SRPK2: variants seen among roughly 807,000 people sequenced by gnomAD.
SRPK2 encodes the protein SRSF protein kinase 2, also known as SFRS protein kinase 2.
Under a neutral mutation model 90.8 loss-of-function variants are expected in SRPK2, and 21 were observed. The observed-to-expected ratio is 0.23, with a 90% confidence interval of 0.16 to 0.33. The LOEUF (loss-of-function observed/expected upper bound fraction) is 0.33. SRPK2 is among the 10% of genes least tolerant of loss of function. The pLI is 1.00. For synonymous variants in SRPK2, 288 were observed against 311.1 expected (o/e 0.93, Z 0.78); for missense variants, 620 against 869.0 (o/e 0.71, Z 3.60).
At chr7:105,365,618 G>A (rs1481153258) in intron 2 of SRPK2, among the ~76,000 whole-genome samples, 2 of 150,878 alleles carry the variant, frequency 1.3e-5, no homozygotes, top group East Asian at 3.9e-4. Flanking sequence ...GGCAACACAG[G>A]GAGACTGAGT....
rs765544583 is a variant in SRPK2, at chr7:105,159,448, C to CAAAAAAAAAAAAAAAAAAA, written c.621+1040_621+1058dup. Among the ~76,000 whole-genome samples the CAAAAAAAAAAAAAAAAAAA allele has an allele frequency of 1.9e-3, 64 of 33,130 alleles. 13 individuals are homozygous for CAAAAAAAAAAAAAAAAAAA. Among genetic ancestry groups the CAAAAAAAAAAAAAAAAAAA allele is most frequent in the Non-Finnish European group, 2.4e-3 (38 of 15,900 alleles). 21.7% of individuals were successfully genotyped at this position (33,130 alleles called of 152,430 possible). A position where few individuals can be genotyped will look rare whatever the true frequency, so the allele number is the denominator to read the frequency against. On this transcript the variant is annotated intron_variant, in intron 7 of 15. Coordinates refer to ENST00000393651, the MANE Select transcript of SRPK2 (RefSeq NM_182692.3). ...GGGTGACAGAGCGAGACTCCGTCTC[C>CAAAAAAAAAAAAAAAAAAA]AAAAAAAAAAAAAAAAAAAAAAAAA... is the stretch of plus-strand genomic sequence containing the variant.
At chr7:105,168,179 T>C (rs1188457931) in intron 4 of SRPK2, 84 bp from the exon 5 acceptor site, 5 of 1,168,720 alleles carry the variant, frequency 4.3e-6, no homozygotes, top group Admixed American at 2.6e-5. Context: ...GCATCCCTAA[T>C]TGGAAAATGT....
At chr7:105,141,942 A>G (rs1342136914) in intron 11 of SRPK2, 66 bp downstream of exon 11, 1 of 1,530,420 alleles carries the variant, frequency 6.5e-7, no homozygotes, top group Non-Finnish European at 8.8e-7. Context: ...ATTCCTTCAC[A>G]GCATTTGTTA....
intron 2 of SRPK2, among the ~76,000 whole-genome samples, chr7:105,370,814 C>A (rs1172402877): frequency 6.6e-6 from 1 of 151,830 alleles, no homozygotes; most frequent in African/African-American, 2.4e-5. Flanking sequence ...CAGGGTTTTA[C>A]CATGTTGCCC....
chr7:105,244,894 T>A, intron 2 of SRPK2: 1 of 1,450,450 alleles, frequency 6.9e-7, no homozygotes, highest in South Asian at 1.2e-5. Context: ...TGGGCGCACA[T>A]CCGCGCCAAG....
intron 2 of SRPK2, among the ~76,000 whole-genome samples, chr7:105,238,259 G>A (rs2237617): frequency 0.18 from 27,723 of 152,148 alleles, 3,198 homozygotes; most frequent in East Asian, 0.58. Flanking sequence ...CATCATCGTC[G>A]TCATCATCCT....
At chr7:105,332,918 G>T (rs62484680) in intron 2 of SRPK2, 8,230 of 152,192 alleles carry the variant, frequency 0.054, 299 homozygotes, top group Middle Eastern at 0.11. Flanking sequence ...AAATAAGGCC[G>T]GGCGTGTTGG....
At chr7:105,153,784 A>T (rs947980861) in intron 7 of SRPK2, among the ~76,000 whole-genome samples, 9 of 152,162 alleles carry the variant, frequency 5.9e-5, no homozygotes, top group Admixed American at 4.6e-4. Context: ...CCACGTGGGC[A>T]GCCAGATGGG....
chr7:105,146,225 G>T (rs577026162), intron 8 of SRPK2, among the ~76,000 whole-genome samples: 1 of 152,228 alleles, frequency 6.6e-6, no homozygotes, highest in East Asian at 1.9e-4. Context: ...CAGAGAAGCT[G>T]GCAACAGAAA....
chr7:105,161,083 G>A (rs1807563048), intron 6 of SRPK2, among the ~76,000 whole-genome samples: 1 of 151,904 alleles, frequency 6.6e-6, no homozygotes, highest in African/African-American at 2.4e-5. Context: ...CCGCCACCAC[G>A]CTCGGCTAAT....
At chr7:105,331,855 C>A (rs1814456913) in intron 2 of SRPK2, among the ~76,000 whole-genome samples, 1 of 152,106 alleles carries the variant, frequency 6.6e-6, no homozygotes, top group Non-Finnish European at 1.5e-5. Flanking sequence ...AAGCTGACGA[C>A]AGAAGGAAGA....
intron 13 of SRPK2, 38 bp from the exon 14 acceptor site, chr7:105,127,100 A>G (rs1373581801): frequency 1.9e-6 from 3 of 1,604,702 alleles, no homozygotes; most frequent in Admixed American, 1.7e-5. Context: ...CACTTCAGAG[A>G]CTGGCCCCCA....
At chr7:105,353,540 T>TTGC (rs1817453365) in intron 2 of SRPK2, among the ~76,000 whole-genome samples, 1 of 151,026 alleles carries the variant, frequency 6.6e-6, no homozygotes, top group African/African-American at 2.4e-5. Context: ...GTTGTTGTTG[T>TTGC]TGTTTGGTGG....
chr7:105,206,975 A>T (rs1419684567), intron 2 of SRPK2, among the ~76,000 whole-genome samples: 1 of 152,184 alleles, frequency 6.6e-6, no homozygotes, highest in East Asian at 1.9e-4. Context: ...CCAATACTCA[A>T]ATCACTCAGT....
intron 2 of SRPK2, among the ~76,000 whole-genome samples, chr7:105,294,127 C>G (rs1585579326): frequency 6.6e-6 from 1 of 152,286 alleles, no homozygotes; most frequent in Middle Eastern, 3.4e-3. Flanking sequence ...TCCTGACAAC[C>G]AGAAGGGTTA....
At chr7:105,281,001 A>T (rs991273700) in intron 2 of SRPK2, among the ~76,000 whole-genome samples, 1 of 145,752 alleles carries the variant, frequency 6.9e-6, no homozygotes, top group African/African-American at 2.5e-5. Context: ...TTTATAAGGC[A>T]TAAGAGTTAG....
chr7:105,123,046 G>C (rs929428430), intron 15 of SRPK2, among the ~76,000 whole-genome samples: 3 of 152,114 alleles, frequency 2.0e-5, no homozygotes, highest in Non-Finnish European at 2.9e-5. Flanking sequence ...GGGCTGGAAA[G>C]CTTCTGGGGA....
chr7:105,374,074 A>G (rs941499586), intron 2 of SRPK2, among the ~76,000 whole-genome samples: 5 of 152,140 alleles, frequency 3.3e-5, no homozygotes, highest in African/African-American at 1.2e-4. Context: ...ATTATGGCAC[A>G]TGCCACCACG....
At chr7:105,198,513 G>A (rs1340336512) in intron 3 of SRPK2, among the ~76,000 whole-genome samples, 1 of 152,096 alleles carries the variant, frequency 6.6e-6, no homozygotes, top group Non-Finnish European at 1.5e-5. Flanking sequence ...ACAGACCAGA[G>A]GTGATATGTA....
Sources: allele counts gnomAD v4.1 joint callset (sites outside exome capture counted in the v4.1 genomes callset), GRCh38; gene constraint gnomAD v4.1.1; transcripts MANE v1.5; gene names NCBI Gene and HGNC (gene_info 2026-07-23, HGNC 2026-07-21).